The following RAPGEF4 variants were observed in gnomAD, a reference collection of about 807,000 sequenced individuals.
RAPGEF4 encodes the protein Rap guanine nucleotide exchange factor 4.
In RAPGEF4, 66 loss-of-function variants were observed where a neutral mutation model predicts 147.9. The ratio of observed to expected loss-of-function variants is 0.45; its 90% confidence interval spans 0.37 to 0.55. The LOEUF is 0.55. Among genes scored for constraint, RAPGEF4 ranks in the 20% least tolerant of loss-of-function variants. The pLI is 0.00. For missense variants in RAPGEF4, 1,071 were observed against 1,257.3 expected (o/e 0.85, Z 2.24); for synonymous variants, 419 against 442.7 (o/e 0.95, Z 0.67).
At chr2:173,011,514 A>C (rs113036605) in intron 17 of RAPGEF4, among the ~76,000 whole-genome samples, 1 of 152,294 alleles carries the variant, frequency 6.6e-6, no homozygotes, top group African/African-American at 2.4e-5. Flanking sequence ...AGCTCTATAC[A>C]CATGTTATCA....
chr2:172,990,071 A>G (rs1244401933), intron 14 of RAPGEF4, among the ~76,000 whole-genome samples: 1 of 151,924 alleles, frequency 6.6e-6, no homozygotes, highest in Non-Finnish European at 1.5e-5. Flanking sequence ...CTTGAATGAT[A>G]TATTAAAAAA....
chr2:173,029,557 A>G (rs1051447433), intron 25 of RAPGEF4, among the ~76,000 whole-genome samples: 1 of 152,252 alleles, frequency 6.6e-6, no homozygotes, highest in South Asian at 2.1e-4. Context: ...GATCAGCTTC[A>G]TTGATGTCAG....
At chr2:172,892,591 G>C (rs1232228712) in intron 4 of RAPGEF4, among the ~76,000 whole-genome samples, 1 of 152,236 alleles carries the variant, frequency 6.6e-6, no homozygotes, top group African/African-American at 2.4e-5. Flanking sequence ...GATAACAGGG[G>C]ATTGCAGTCT....
chr2:172,745,985 A>G (rs1396193716), intron 1 of RAPGEF4, among the ~76,000 whole-genome samples: 2 of 152,228 alleles, frequency 1.3e-5, no homozygotes, highest in Non-Finnish European at 2.9e-5. Flanking sequence ...AGGTGATCTG[A>G]TTTAATCCAA....
intron 10 of RAPGEF4, among the ~76,000 whole-genome samples, chr2:172,980,833 C>T (rs6707251): frequency 0.073 from 11,070 of 152,076 alleles, 594 homozygotes; most frequent in South Asian, 0.16. Flanking sequence ...TATGTGTGTG[C>T]AGAAGCGGGG....
intron 5 of RAPGEF4, 145 bp from the exon 6 acceptor site, chr2:172,922,136 C>A: frequency 1.3e-6 from 1 of 767,472 alleles, no homozygotes; most frequent in South Asian, 1.5e-5. Context: ...TTTTATATTT[C>A]TAAGCAGCAT....
chr2:172,819,647 A>C (rs979886410), intron 4 of RAPGEF4, among the ~76,000 whole-genome samples: 2 of 151,122 alleles, frequency 1.3e-5, no homozygotes, highest in African/African-American at 2.4e-5. Flanking sequence ...TTGTATTTTT[A>C]GTAGAGACGG....
intron 20 of RAPGEF4, 82 bp downstream of exon 20, chr2:173,017,286 A>G (rs1695592949): frequency 1.3e-6 from 2 of 1,523,804 alleles, no homozygotes; most frequent in Admixed American, 3.4e-5. Flanking sequence ...AGTATACATA[A>G]AAGTGATTTC....
At chr2:172,985,735 A>C (rs35253091) in intron 12 of RAPGEF4, among the ~76,000 whole-genome samples, 28,735 of 152,094 alleles carry the variant, frequency 0.19, 3,447 homozygotes, top group Non-Finnish European at 0.27. Flanking sequence ...CCTGAGTCTC[A>C]CTGGCTCCCT....
chr2:172,776,497 A>G (rs1684176077), intron 1 of RAPGEF4, among the ~76,000 whole-genome samples: 1 of 152,024 alleles, frequency 6.6e-6, no homozygotes, highest in Non-Finnish European at 1.5e-5. Flanking sequence ...TTCATCCATT[A>G]TTTCTTTAAA....
chr2:172,737,860 G>A (rs907345001), intron 1 of RAPGEF4, among the ~76,000 whole-genome samples: 1 of 152,194 alleles, frequency 6.6e-6, no homozygotes, highest in Non-Finnish European at 1.5e-5. Flanking sequence ...TCTGAAAAAT[G>A]AGGATAGGAC....
At chr2:173,003,872 T>C (rs1336701841) in intron 17 of RAPGEF4, among the ~76,000 whole-genome samples, 1 of 152,186 alleles carries the variant, frequency 6.6e-6, no homozygotes, top group Non-Finnish European at 1.5e-5. Context: ...CTTGAACAAG[T>C]GGTTTAACCC....
At chr2:172,802,412 T>G (rs1339899524) in intron 3 of RAPGEF4, among the ~76,000 whole-genome samples, 1 of 152,186 alleles carries the variant, frequency 6.6e-6, no homozygotes, top group Non-Finnish European at 1.5e-5. Context: ...AGAGAGCTTG[T>G]GCAGGGAAAA....
At chr2:172,896,814 G>A (rs1410991397) in intron 4 of RAPGEF4, among the ~76,000 whole-genome samples, 1 of 152,182 alleles carries the variant, frequency 6.6e-6, no homozygotes, top group Non-Finnish European at 1.5e-5. Flanking sequence ...TTGTTCATCA[G>A]TTCACTGTTG....
chr2:172,880,800 G>A (rs1002128536), intron 4 of RAPGEF4, among the ~76,000 whole-genome samples: 3 of 152,154 alleles, frequency 2.0e-5, no homozygotes, highest in Non-Finnish European at 4.4e-5. Context: ...CTACCTCACA[G>A]GCTGGTTGCT....
chr2:172,923,606 T>C (rs1684986206), intron 6 of RAPGEF4, among the ~76,000 whole-genome samples: 1 of 152,206 alleles, frequency 6.6e-6, no homozygotes, highest in Non-Finnish European at 1.5e-5. Flanking sequence ...ACTTCAAATG[T>C]TACACCAAAA....
chr2:172,879,044 C>T lies in RAPGEF4; in HGVS notation c.445-38758C>T, dbSNP rs528183842. ...TGCACACACCATTTGGCCAAATACC[C>T]CTAAGTCTAGATATCTCTCCTTTGG... On this transcript the variant is annotated intron_variant, in intron 4 of 30. Transcript: ENST00000397081. Among the ~76,000 whole-genome samples the T allele has an allele frequency of 2.0e-5, 3 of 152,216 alleles. No individual in the cohort carries two copies. In the East Asian group the frequency reaches 5.8e-4, roughly 29 times the overall value.
At position 172,831,266 on chromosome 2, in the gene RAPGEF4, C is replaced by CTTTTTTTTTTTTTTTTTTTTTTTTTT. The variant is rs71018521; in HGVS notation, c.444+16860_444+16861insTTTTTTTTTTTTTTTTTTTTTTTTTT. 2.7e-3 allele frequency among the ~76,000 whole-genome samples: 147 copies of CTTTTTTTTTTTTTTTTTTTTTTTTTT among 53,880 alleles called. 51 individuals are homozygous for CTTTTTTTTTTTTTTTTTTTTTTTTTT. Among genetic ancestry groups the CTTTTTTTTTTTTTTTTTTTTTTTTTT allele is most frequent in the Admixed American group, 4.5e-3 (17 of 3,816 alleles). 35.3% of individuals were successfully genotyped at this position (53,880 alleles called of 152,430 possible). On this transcript the variant is annotated intron_variant, in intron 4 of 30. Coordinates refer to ENST00000397081, the MANE Select transcript of RAPGEF4 (RefSeq NM_007023.4). ...AAATGTGACTGTTTCAGATAGAAAA[C>CTTTTTTTTTTTTTTTTTTTTTTTTTT]TTTTTTTTTTTTTTTTTTTGAGACA...
chr2:173,034,884 A>G (rs1359613713), intron 27 of RAPGEF4, among the ~76,000 whole-genome samples: 1 of 151,278 alleles, frequency 6.6e-6, no homozygotes, highest in Non-Finnish European at 1.5e-5. Context: ...ACACACACAC[A>G]CACACACACA....
Sources: gnomAD v4.1 joint callset for allele counts (sites outside exome capture counted in the v4.1 genomes callset) on GRCh38, gnomAD v4.1.1 for gene constraint, MANE v1.5 for transcripts, NCBI Gene and HGNC (gene_info 2026-07-23, HGNC 2026-07-21) for gene names.